The following ZNF570 variants were observed in gnomAD, a reference collection of about 807,000 sequenced individuals.
The protein encoded by ZNF570 is zinc finger protein 570.
In ZNF570, 8 loss-of-function variants were observed where a neutral mutation model predicts 14.2. That is an observed-to-expected ratio of 0.56 (90% confidence interval 0.33 to 1.02). The LOEUF is 1.02. Ranked by LOEUF, ZNF570 falls within the 50% of genes least tolerant of loss-of-function variation. The pLI, the probability that ZNF570 is intolerant of heterozygous loss-of-function variation, is 0.03. For synonymous variants in ZNF570, 202 were observed against 207.6 expected, an observed-to-expected ratio of 0.97 and a Z score of 0.23; for missense variants, 559 against 624.9, an observed-to-expected ratio of 0.89 and a Z score of 1.12.
chr19:37,469,266 T>C (rs2041910382), upstream of ZNF570: 1 of 1,400,390 alleles, frequency 7.1e-7, no homozygotes, highest in Non-Finnish European at 9.3e-7. Flanking sequence ...GCCGCGACCT[T>C]TTCTACTCCG....
rs753950400 is a variant in ZNF570 at position 37,470,297 on chromosome 19, A to G, written c.-51-7A>G. On this transcript the variant is annotated splice_polypyrimidine_tract_variant and splice_region_variant and intron_variant, in intron 1 of 4. Coordinates refer to ENST00000330173, the MANE Select transcript of ZNF570 (RefSeq NM_144694.5). The stretch of plus-strand genomic sequence containing the variant: ...TCTAGTTTCTCATGTTCTTTTCCCC[A>G]TCTCAGTCATCTGAGGCCACTGCTA... 53 of 1,613,530 alleles carry G rather than the reference A, an allele frequency of 3.3e-5. No homozygotes were observed. Among genetic ancestry groups the G allele is most frequent in the Non-Finnish European group, 4.1e-5 (48 of 1,179,716 alleles).
chr19:37,477,699 T>C (rs971343259), intron 4 of ZNF570, among the ~76,000 whole-genome samples: 2 of 152,176 alleles, frequency 1.3e-5, no homozygotes, highest in African/African-American at 4.8e-5. Context: ...TTCATATAGA[T>C]ATCTGAAAAT....
At chr19:37,469,705 A>T (rs1285591371) in intron 1 of ZNF570, 148 bp downstream of exon 1, 1 of 811,722 alleles carries the variant, frequency 1.2e-6, no homozygotes, top group Admixed American at 2.5e-5. Context: ...TGTTGGGCCG[A>T]TACCCGCGGC....
chr19:37,476,428 T>C lies in ZNF570; in HGVS notation c.250T>C (p.Cys84Arg). 1 of 1,613,832 alleles carries C rather than the reference T, an allele frequency of 6.2e-7. No individual in the cohort carries two copies. Among genetic ancestry groups the C allele is most frequent in the South Asian group, 1.1e-5 (1 of 91,038 alleles). ...MVKRELTKGLCSGWEPICETE... is the reference protein window; with the variant it reads ...MVKRELTKGLRSGWEPICETE... ...GAAGAGAGAGCTGACAAAAGGCTTG[T>C]GCTCAGGTTAGTGAAGAGGAAATTG... Residue 84 changes from cysteine to arginine, a missense_variant, in exon 4 of 5, where the codon TGC (cysteine) becomes CGC (arginine). Cys to Arg is a radical substitution (Grantham distance 180). Coordinates refer to ENST00000330173, the MANE Select transcript of ZNF570 (RefSeq NM_144694.5).
In ZNF570 at chr19:37,484,812, A is replaced by G; in HGVS notation, c.1190A>G (p.Gln397Arg). The G allele has an allele frequency of 1.9e-6, 3 of 1,614,088 alleles. No individual in the cohort carries two copies. Among genetic ancestry groups the G allele is most frequent in the Non-Finnish European group, 2.5e-6 (3 of 1,180,010 alleles). ...ECKECGKAFS[Q>R]NSHLAQHQRI... ...AAGGAATGTGGGAAGGCCTTTAGCC[A>G]GAATTCACACCTTGCTCAACATCAG... Residue 397 changes from glutamine to arginine, a missense_variant, in exon 5 of 5, where the codon CAG becomes CGG. Gln to Arg is a conservative substitution (Grantham distance 43, BLOSUM62 1). Transcript: ENST00000330173.
chr19:37,471,515 C>A (rs917783161), intron 2 of ZNF570, among the ~76,000 whole-genome samples: 1 of 152,212 alleles, frequency 6.6e-6, no homozygotes, highest in African/African-American at 2.4e-5. Context: ...TCTACACTTA[C>A]TACCCTGGTG....
At chr19:37,470,502 A>C in intron 2 of ZNF570, 115 bp downstream of exon 2, 1 of 876,510 alleles carries the variant, frequency 1.1e-6, no homozygotes, top group South Asian at 1.5e-5. Context: ...CCTTATCAAC[A>C]CTCTCCATTG....
rs769364866 is a variant in ZNF570, at chr19:37,484,749, A to G, written c.1127A>G (p.His376Arg). The part of the protein sequence containing the change: ...AFSLRAYLTV[H>R]QRIHTGERPY... ...AGCCTTCGTGCATACCTTACTGTACATCAGAGAATACATACTGGAGAGAGA... is the reference window on the plus strand; with the variant it reads ...AGCCTTCGTGCATACCTTACTGTACGTCAGAGAATACATACTGGAGAGAGA... Residue 376 changes from histidine (H) to arginine (R), a missense_variant, in exon 5 of 5, where the codon CAT becomes CGT. Physicochemically the swap from His to Arg is conservative, Grantham distance 29. Transcript: ENST00000330173. 2 of 1,614,168 alleles carry G rather than the reference A, an allele frequency of 1.2e-6. No homozygotes were observed. The highest frequency in any genetic ancestry group is 1.7e-6 in the Non-Finnish European group (2 of 1,180,018).
rs776990500 is a variant in ZNF570 at position 37,476,292 on chromosome 19, A to G, written c.161-47A>G. ...CTAAGGATTGAATGTGAGTTCTGGA[A>G]TATCCACAGCATGACAAAACTCTAC... On this transcript the variant is annotated intron_variant, in intron 3 of 4. Transcript: ENST00000330173. 1.9e-6 allele frequency: 3 copies of G among 1,601,556 alleles called. No individual in the cohort carries two copies. The Admixed American group carries it at 5.1e-5, about 27-fold the overall frequency.
In ZNF570 at chr19:37,485,561, A is replaced by G. The variant is rs2042146496; in HGVS notation, c.*328A>G. ...ATCAGCCTCCCGAGTAGCTGGGACT[A>G]TAGACATGCACCACCATGCCTGGCT... On this transcript the variant is annotated 3_prime_UTR_variant, in exon 5 of 5. Coordinates refer to ENST00000330173, the MANE Select transcript of ZNF570 (RefSeq NM_144694.5). The G allele has an allele frequency of 4.7e-6, 1 of 212,396 alleles. No homozygotes were observed. Among genetic ancestry groups the G allele is most frequent in the Non-Finnish European group, 9.4e-6 (1 of 106,946 alleles). 13.2% of individuals were successfully genotyped at this position (212,396 alleles called of 1,614,324 possible).
Position 37,469,555 on chromosome 19 carries a change from G to A in ZNF570, c.-54G>A. 6.5e-7 allele frequency: 1 copy of A among 1,536,430 alleles called. No homozygotes were observed. Among genetic ancestry groups the A allele is most frequent in the Non-Finnish European group, 8.7e-7 (1 of 1,146,906 alleles). On this transcript the variant is annotated splice_region_variant and 5_prime_UTR_variant, in exon 1 of 5. Coordinates refer to ENST00000330173, the MANE Select transcript of ZNF570 (RefSeq NM_144694.5). ...CATCTGTGTGACTCCGGTGCGAGTG[G>A]AGGTTGGTACCGTTCAGTGCGAGGC...
chr19:37,477,800 G>A (rs2042044757), intron 4 of ZNF570, among the ~76,000 whole-genome samples: 2 of 152,102 alleles, frequency 1.3e-5, no homozygotes, highest in South Asian at 2.1e-4. Context: ...TTTAATTTCT[G>A]TATCTTATGG....
Position 37,476,004 on chromosome 19 carries a change from C to G in ZNF570, c.157C>G (p.Leu53Val). The change falls in exon 3 of 5, where the codon CTG (leucine) becomes GTG (valine). Residue 53 changes from leucine (L) to valine (V), a missense_variant. Transcript: ENST00000330173. ...MLENYRILVS[L>V]GLCFSKPSVI... ...AGAGAACTACAGGATCTTGGTATCA[C>G]TGGGTAAGGATATCTTCTTGCAAAA... The G allele has an allele frequency of 1.9e-6, 3 of 1,607,712 alleles. No individual in the cohort carries two copies. The highest frequency in any genetic ancestry group is 2.5e-6 in the Non-Finnish European group (3 of 1,177,642).
upstream of ZNF570, chr19:37,468,106 G>A (rs1159397848): frequency 9.3e-6 from 6 of 648,276 alleles, no homozygotes; most frequent in Admixed American, 1.7e-4. Flanking sequence ...TTTTTTTGAG[G>A]CAGAGCCTCA....
intron 4 of ZNF570, among the ~76,000 whole-genome samples, chr19:37,479,761 C>T (rs1023276776): frequency 6.6e-6 from 1 of 152,100 alleles, no homozygotes; most frequent in African/African-American, 2.4e-5. Context: ...TAGTGACTAT[C>T]TGATTAAGCA....
chr19:37,469,334 CG>C (rs2041912427), upstream of ZNF570: 6 of 1,417,602 alleles, frequency 4.2e-6, no homozygotes, highest in Non-Finnish European at 4.6e-6. Context: ...TTGTGTCCTC[CG>C]GGGGCGGAGG....
chr19:37,483,845 A>G, intron 4 of ZNF570, 34 bp from the exon 5 acceptor site: 1 of 1,548,762 alleles, frequency 6.5e-7, no homozygotes. Context: ...GATACTCAAT[A>G]GAGGAGACAT....
chr19:37,469,505 G>C lies in ZNF570; in HGVS notation c.-104G>C. ...GGGAGTGGGCTGAGGAGTGGCGTGT[G>C]GGTCTCCGGAAGCTCGTCGCAGGCC... On this transcript the variant is annotated 5_prime_UTR_variant, in exon 1 of 5. Transcript: ENST00000330173. The C allele has an allele frequency of 2.0e-6, 3 of 1,536,158 alleles. No individual in the cohort carries two copies. Among genetic ancestry groups the C allele is most frequent in the Non-Finnish European group, 2.6e-6 (3 of 1,146,792 alleles).
In ZNF570 at chr19:37,485,183, A is replaced by C; in HGVS notation, c.1561A>C (p.Ile521Leu). 4.4e-6 allele frequency: 7 copies of C among 1,586,456 alleles called. No individual in the cohort carries two copies. The highest frequency in any genetic ancestry group is 6.0e-6 in the Non-Finnish European group (7 of 1,166,418). The change falls in exon 5 of 5, where the codon ATT (isoleucine) becomes CTT (leucine). Residue 521 changes from isoleucine to leucine, a missense_variant. Physicochemically the swap from Ile to Leu is conservative, Grantham distance 5 (BLOSUM62 2). Transcript: ENST00000330173. ...CCTTGCTCATCACCAGAGAATTCAC[A>C]TTGGGGAGTCACTGTCACCACCCAA... ...AHLAHHQRIH[I>L]GESLSPPNPV...
Sources: gnomAD v4.1 joint callset for allele counts (sites outside exome capture counted in the v4.1 genomes callset) on GRCh38, gnomAD v4.1.1 for gene constraint, MANE v1.5 for transcripts, NCBI Gene and HGNC (gene_info 2026-07-23, HGNC 2026-07-21) for gene names.